Variants in CHRM2 observed in about 807,000 individuals in gnomAD.
CHRM2 encodes the protein cholinergic receptor muscarinic 2.
A neutral mutation model predicts 25.0 loss-of-function variants in CHRM2; 8 were observed. The observed-to-expected ratio is 0.32, with a 90% confidence interval of 0.19 to 0.58. The LOEUF (loss-of-function observed/expected upper bound fraction) is 0.58, where lower values mean the gene tolerates loss of function less well. CHRM2 is among the 20% of genes least tolerant of loss of function. The pLI is 0.88. For missense variants in CHRM2, 440 were observed against 567.1 expected (o/e 0.78, Z 2.28); for synonymous variants, 202 against 205.7 (o/e 0.98, Z 0.15).
chr7:136,996,942 T>C (rs1803644417), intron 3 of CHRM2, among the ~76,000 whole-genome samples: 2 of 152,280 alleles, frequency 1.3e-5, no homozygotes, highest in South Asian at 4.1e-4. Context: ...AGTATAAAAA[T>C]CCAGATTTTC....
At chr7:136,904,688 CT>C (rs1218887061) in intron 2 of CHRM2, among the ~76,000 whole-genome samples, 4 of 150,098 alleles carry the variant, frequency 2.7e-5, no homozygotes, top group Non-Finnish European at 5.9e-5. Flanking sequence ...GATACTTCTT[CT>C]TTAATATTGG....
intron 2 of CHRM2, among the ~76,000 whole-genome samples, chr7:136,919,535 G>T (rs1343631153): frequency 1.3e-5 from 2 of 152,012 alleles, no homozygotes; most frequent in African/African-American, 4.8e-5. Context: ...AATAACCTCT[G>T]TTACCTATAG....
intron 2 of CHRM2, among the ~76,000 whole-genome samples, chr7:136,966,672 T>C (rs566988002): frequency 8.6e-5 from 13 of 151,660 alleles, no homozygotes; most frequent in Non-Finnish European, 1.3e-4. Context: ...GTGTTTTTAA[T>C]ACAAACCGTA....
intron 2 of CHRM2, among the ~76,000 whole-genome samples, chr7:136,879,630 G>A (rs550946934): frequency 6.6e-6 from 1 of 151,858 alleles, no homozygotes; most frequent in South Asian, 2.1e-4. Flanking sequence ...TCTTTCACAG[G>A]GGAGCTGTAA....
At chr7:136,981,904 C>G (rs527996092) in intron 2 of CHRM2, among the ~76,000 whole-genome samples, 1 of 151,962 alleles carries the variant, frequency 6.6e-6, no homozygotes, top group Non-Finnish European at 1.5e-5. Flanking sequence ...TGATGTGGTG[C>G]GGAGAAGAAA....
Position 137,004,184 on chromosome 7 carries a change from T to C in CHRM2, c.-46-10636T>C, listed in dbSNP as rs75459745. Among the ~76,000 whole-genome samples the C allele has an allele frequency of 6.6e-3, 998 of 152,272 alleles. 15 individuals are homozygous for C. Among genetic ancestry groups the C allele is most frequent in the African/African-American group, 0.023 (946 of 41,558 alleles). Reference sequence around the variant, plus strand: ...GAAGATCTTCCATTCTCAGGCATTATATAGGAATGGAAATTGTATTTAAAT... The same window carrying C: ...GAAGATCTTCCATTCTCAGGCATTACATAGGAATGGAAATTGTATTTAAAT... On this transcript the variant is annotated intron_variant, in intron 3 of 3. Coordinates refer to ENST00000680005, the MANE Select transcript of CHRM2 (RefSeq NM_001006630.2).
Position 137,016,443 on chromosome 7 carries a change from T to A in CHRM2, c.*177T>A, listed in dbSNP as rs1584930275. 1.6e-6 allele frequency: 1 copy of A among 642,836 alleles called. No individual in the cohort carries two copies. The highest frequency in any genetic ancestry group is 1.8e-5 in the African/African-American group (1 of 54,376). 39.8% of individuals were successfully genotyped at this position (642,836 alleles called of 1,614,324 possible). On this transcript the variant is annotated 3_prime_UTR_variant, in exon 4 of 4. Coordinates refer to ENST00000680005, the MANE Select transcript of CHRM2 (RefSeq NM_001006630.2). ...ACGCCTAGGCTCCAGTTTGCAAAAA[T>A]TGCACCTTATAAACTGTCAGTATTA...
At chr7:136,911,984 AAATT>A (rs1272128728) in intron 2 of CHRM2, among the ~76,000 whole-genome samples, 1 of 151,980 alleles carries the variant, frequency 6.6e-6, no homozygotes, top group African/African-American at 2.4e-5. Flanking sequence ...TTCAAAAAAT[AAATT>A]AAGAATAATG....
intron 2 of CHRM2, among the ~76,000 whole-genome samples, chr7:136,884,989 C>G (rs545259449): frequency 6.6e-6 from 1 of 152,124 alleles, no homozygotes; most frequent in African/African-American, 2.4e-5. Context: ...GGTGTGAGCT[C>G]CCCAAGCTTA....
chr7:136,980,218 G>A (rs1802392696), intron 2 of CHRM2, among the ~76,000 whole-genome samples: 1 of 152,146 alleles, frequency 6.6e-6, no homozygotes, highest in African/African-American at 2.4e-5. Context: ...TTGTGAATGG[G>A]AGTTCACTCA....
chr7:136,976,385 C>A (rs976286213), intron 2 of CHRM2, among the ~76,000 whole-genome samples: 1 of 151,950 alleles, frequency 6.6e-6, no homozygotes, highest in African/African-American at 2.4e-5. Context: ...AAAGTTGGTA[C>A]CTATTGTGCT....
At chr7:136,931,046 T>G (rs906814875) in intron 2 of CHRM2, among the ~76,000 whole-genome samples, 2 of 152,288 alleles carry the variant, frequency 1.3e-5, no homozygotes, top group African/African-American at 4.8e-5. Flanking sequence ...CTGGTACGAT[T>G]ATCTCCTTAC....
intron 2 of CHRM2, among the ~76,000 whole-genome samples, chr7:136,928,157 T>C (rs1306057048): frequency 1.3e-5 from 2 of 151,950 alleles, no homozygotes; most frequent in African/African-American, 2.4e-5. Context: ...GGGAGGAGCA[T>C]TGGTGGAGAA....
chr7:136,888,823 G>C (rs1444884278), intron 2 of CHRM2, among the ~76,000 whole-genome samples: 1 of 151,976 alleles, frequency 6.6e-6, no homozygotes, highest in Non-Finnish European at 1.5e-5. Flanking sequence ...AAGGCAGGCG[G>C]ATCACGAAGT....
At chr7:136,924,134 CAT>C (rs149615419) in intron 2 of CHRM2, among the ~76,000 whole-genome samples, 3,469 of 152,248 alleles carry the variant, frequency 0.023, 127 homozygotes, top group African/African-American at 0.079. Flanking sequence ...CACCCAAATA[CAT>C]ATGTTTCCTA....
At chr7:137,012,804 GGCA>G in intron 3 of CHRM2, among the ~76,000 whole-genome samples, 1 of 151,820 alleles carries the variant, frequency 6.6e-6, no homozygotes, top group African/African-American at 2.4e-5. Flanking sequence ...TCCTAAATGT[GGCA>G]TTCCTGAGAC....
intron 2 of CHRM2, among the ~76,000 whole-genome samples, chr7:136,945,535 T>G (rs1800024611): frequency 6.6e-6 from 1 of 152,168 alleles, no homozygotes; most frequent in African/African-American, 2.4e-5. Flanking sequence ...ATCAGTTGAC[T>G]GTAAGTATTT....
intron 2 of CHRM2, among the ~76,000 whole-genome samples, chr7:136,900,321 T>A (rs1797127597): frequency 6.6e-6 from 1 of 151,868 alleles, no homozygotes; most frequent in African/African-American, 2.4e-5. Context: ...AAGTTAACTA[T>A]TTTTTTTAAT....
At chr7:137,011,215 GTA>G (rs71176365) in intron 3 of CHRM2, among the ~76,000 whole-genome samples, 3,587 of 133,726 alleles carry the variant, frequency 0.027, 137 homozygotes, top group African/African-American at 0.089. Context: ...GTGTGTGTGT[GTA>G]TATATATATA....
Sources: gnomAD v4.1 joint callset for allele counts (sites outside exome capture counted in the v4.1 genomes callset) on GRCh38, gnomAD v4.1.1 for gene constraint, MANE v1.5 for transcripts, NCBI Gene and HGNC (gene_info 2026-07-23, HGNC 2026-07-21) for gene names.